The following PATJ variants were observed in gnomAD, a reference collection of about 807,000 sequenced individuals.
The protein encoded by PATJ is PATJ crumbs cell polarity complex component.
In PATJ, 190 loss-of-function variants were observed where a neutral mutation model predicts 224.9. The ratio of observed to expected loss-of-function variants is 0.84; its 90% CI spans 0.75 to 0.95. The LOEUF is 0.95. Among genes scored for constraint, PATJ ranks in the 40% least tolerant of loss-of-function variants. PATJ has a pLI of 0.00. For missense variants in PATJ, 2,121 were observed against 2,270.3 expected, an observed-to-expected ratio of 0.93 and a Z score of 1.34; for synonymous variants, 769 against 820.3, an observed-to-expected ratio of 0.94 and a Z score of 1.07.
chr1:62,031,858 G>C (rs1450441475), intron 29 of PATJ, among the ~76,000 whole-genome samples: 1 of 152,196 alleles, frequency 6.6e-6, no homozygotes, highest in Non-Finnish European at 1.5e-5. Flanking sequence ...TGTTATGAAG[G>C]TTAAAATGAG....
chr1:61,778,448 C>T (rs564411798), intron 7 of PATJ, among the ~76,000 whole-genome samples: 141 of 152,288 alleles, frequency 9.3e-4, no homozygotes, highest in African/African-American at 3.2e-3. Flanking sequence ...GTTCCAGATT[C>T]TACATTGTAA....
At chr1:61,833,868 C>T (rs1182980854) in intron 17 of PATJ, 83 bp downstream of exon 17, 9 of 1,283,328 alleles carry the variant, frequency 7.0e-6, no homozygotes, top group Non-Finnish European at 9.6e-6. Context: ...GTTTAAGACC[C>T]CTATTGACTT....
At chr1:61,895,467 C>T (rs1670226493) in intron 22 of PATJ, among the ~76,000 whole-genome samples, 1 of 152,220 alleles carries the variant, frequency 6.6e-6, no homozygotes, top group Admixed American at 6.5e-5. Flanking sequence ...CCAGGTGTTC[C>T]AGCTCCAGCT....
intron 16 of PATJ, among the ~76,000 whole-genome samples, chr1:61,828,474 C>G (rs1055669893): frequency 4.6e-5 from 7 of 151,210 alleles, no homozygotes; most frequent in Non-Finnish European, 8.8e-5. Context: ...ACTGTAGCCT[C>G]GACCTTCTGG....
At chr1:61,990,391 CT>C in intron 28 of PATJ, 27 bp downstream of exon 28, 2 of 1,566,838 alleles carry the variant, frequency 1.3e-6, no homozygotes, top group Non-Finnish European at 1.7e-6. Flanking sequence ...TTTAACTTAT[CT>C]TTTGGTGAAG....
chr1:62,108,942 T>C (rs182562618), intron 34 of PATJ, among the ~76,000 whole-genome samples: 1 of 152,338 alleles, frequency 6.6e-6, no homozygotes, highest in Admixed American at 6.5e-5. Flanking sequence ...TCTTAATAAA[T>C]CTTTATGCCA....
chr1:61,912,573 C>T (rs1398232544), intron 25 of PATJ, among the ~76,000 whole-genome samples: 2 of 150,822 alleles, frequency 1.3e-5, no homozygotes, highest in Admixed American at 1.3e-4. Flanking sequence ...TGCACTCCAG[C>T]CTGGGTGACA....
chr1:62,017,746 AAGAAAAG>A, intron 28 of PATJ, 103 bp from the exon 29 acceptor site: 2 of 569,818 alleles, frequency 3.5e-6, no homozygotes, highest in Non-Finnish European at 3.0e-6. Context: ...AAAAAAAAAA[AAGAAAAG>A]AAAAGAAAAG....
At chr1:62,010,012 G>T (rs1025011971) in intron 28 of PATJ, among the ~76,000 whole-genome samples, 1 of 151,212 alleles carries the variant, frequency 6.6e-6, no homozygotes. Flanking sequence ...GAACCTGGGA[G>T]GGGGAGGTTA....
At chr1:61,853,994 A>G (rs1285989956) in intron 17 of PATJ, among the ~76,000 whole-genome samples, 1 of 152,222 alleles carries the variant, frequency 6.6e-6, no homozygotes, top group Non-Finnish European at 1.5e-5. Flanking sequence ...GCATTCTTCA[A>G]GGAATTAGCT....
Position 62,055,390 on chromosome 1 carries a change from TAATTA to T in PATJ, c.4125+4338_4125+4342del, listed in dbSNP as rs1654378119. Among the ~76,000 whole-genome samples the T allele has an allele frequency of 2.0e-5, 3 of 152,334 alleles. No homozygotes were observed. In the South Asian group the frequency reaches 6.2e-4, roughly 32 times the overall value. The stretch of plus-strand genomic sequence containing the variant: ...TATAATATGCTCTTTTGAAGTGGTA[TAATTA>T]AATTAGTAAGAGTGCAATCACTGGA... On this transcript the variant is annotated intron_variant, in intron 31 of 43. Transcript: ENST00000642238.
intron 27 of PATJ, among the ~76,000 whole-genome samples, chr1:61,959,428 TTTTTTC>T (rs1227176199): frequency 1.8e-4 from 20 of 108,998 alleles, no homozygotes; most frequent in South Asian, 5.9e-4. Flanking sequence ...ATAATATATT[TTTTTTC>T]TTTTCTTTTT....
At chr1:61,955,769 GT>G (rs1171672212) in intron 27 of PATJ, among the ~76,000 whole-genome samples, 4 of 152,134 alleles carry the variant, frequency 2.6e-5, no homozygotes, top group Non-Finnish European at 4.4e-5. Context: ...TATAGATCAA[GT>G]CTAGATGACT....
rs1458905274 is a variant in PATJ, at chr1:61,812,431, AGAGT to A, written c.1683+3903_1683+3906del. Among the ~76,000 whole-genome samples the A allele has an allele frequency of 1.2e-4, 13 of 109,112 alleles. No individual in the cohort carries two copies. In the East Asian group the frequency reaches 1.2e-3, roughly 10 times the overall value. 71.6% of individuals were successfully genotyped at this position (109,112 alleles called of 152,430 possible). A position where few individuals can be genotyped will look rare whatever the true frequency, so the allele number is the denominator to read the frequency against. The stretch of plus-strand genomic sequence containing the variant: ...CTGAGAGAGAGAGAGAGAGAGAGAG[AGAGT>A]GTGTGTGTGTGTGTGTGTGTGTGTG... On this transcript the variant is annotated intron_variant, in intron 14 of 43. Transcript: ENST00000642238.
intron 42 of PATJ, among the ~76,000 whole-genome samples, chr1:62,153,100 G>A (rs1668795410): frequency 6.6e-6 from 1 of 152,114 alleles, no homozygotes; most frequent in African/African-American, 2.4e-5. Flanking sequence ...TCAGCATCAT[G>A]ACTTTATCTT....
At chr1:62,079,359 C>T in intron 31 of PATJ, 91 bp from the exon 32 acceptor site, 1 of 772,142 alleles carries the variant, frequency 1.3e-6, no homozygotes. Context: ...TGGACTGCAC[C>T]ATTGTTTTGG....
At position 61,927,557 on chromosome 1, in the gene PATJ, A is replaced by G. The variant is rs1274833402; in HGVS notation, c.3571-173A>G. 1.8e-4 allele frequency among the ~76,000 whole-genome samples: 27 copies of G among 152,220 alleles called. 1 individual carries two copies. The highest frequency in any genetic ancestry group is 1.7e-3 in the Admixed American group (26 of 15,278). On this transcript the variant is annotated intron_variant, in intron 26 of 43. Coordinates refer to ENST00000642238, the MANE Select transcript of PATJ (RefSeq NM_001350145.3). ...GTTTATACCACAGAGTCACTTTTAT[A>G]TTATAACATAAGCCTAAAATAATAC...
intron 16 of PATJ, among the ~76,000 whole-genome samples, chr1:61,827,919 T>C (rs1310818170): frequency 6.6e-6 from 1 of 152,154 alleles, no homozygotes; most frequent in Non-Finnish European, 1.5e-5. Flanking sequence ...GAGTGTTGCA[T>C]ATCTAATGTA....
rs978977520 is a variant in PATJ, at chr1:61,875,486, G to A, written c.2959+120G>A. On this transcript the variant is annotated intron_variant, in intron 21 of 43. Coordinates refer to ENST00000642238, the MANE Select transcript of PATJ (RefSeq NM_001350145.3). Reference sequence around the variant, plus strand: ...ATTCATTATGATGCTTTGAATTTATGTCTGCTTAATAATTAATCTGCTTCA... The same window carrying A: ...ATTCATTATGATGCTTTGAATTTATATCTGCTTAATAATTAATCTGCTTCA... 5.0e-5 allele frequency: 34 copies of A among 683,796 alleles called. No individual in the cohort carries two copies. The East Asian group carries it at 8.5e-4, about 17-fold the overall frequency. The allele number at this position is 683,796 out of a possible 1,614,324, so 42.4% of individuals were successfully genotyped here.
Sources: gnomAD v4.1 joint callset for allele counts (sites outside exome capture counted in the v4.1 genomes callset) on GRCh38, gnomAD v4.1.1 for gene constraint, MANE v1.5 for transcripts, NCBI Gene and HGNC (gene_info 2026-07-23, HGNC 2026-07-21) for gene names.